CTNND2: variants seen among roughly 807,000 people sequenced by gnomAD.
CTNND2 encodes the protein catenin delta-2.
A neutral mutation model predicts 144.4 loss-of-function variants in CTNND2; 22 were observed. That is an observed-to-expected ratio of 0.15 (90% CI 0.11 to 0.22). The LOEUF is 0.22. CTNND2 is among the 10% of genes least tolerant of loss of function. The probability of loss-of-function intolerance (pLI) is 1.00; values close to 1 mark genes in which losing one functional copy is unlikely to be tolerated. For synonymous variants in CTNND2, 751 were observed against 695.6 expected, an observed-to-expected ratio of 1.08 and a Z score of -1.25; for missense variants, 1,353 against 1,618.8, an observed-to-expected ratio of 0.84 and a Z score of 2.82.
chr5:11,776,361 C>T (rs574596858), intron 1 of CTNND2, among the ~76,000 whole-genome samples: 2 of 152,142 alleles, frequency 1.3e-5, no homozygotes, highest in Non-Finnish European at 2.9e-5. Context: ...AGATACCCAA[C>T]AACAATGCAT....
intron 16 of CTNND2, among the ~76,000 whole-genome samples, chr5:11,062,611 G>A (rs1747120599): frequency 6.6e-6 from 1 of 152,192 alleles, no homozygotes; most frequent in Admixed American, 6.5e-5. Flanking sequence ...TTGACTACAT[G>A]GGAACAACGC....
At position 11,887,129 on chromosome 5, in the gene CTNND2, G is replaced by A. The variant is rs111889791; in HGVS notation, c.37+16688C>T. 7.4e-3 allele frequency among the ~76,000 whole-genome samples: 1,125 copies of A among 151,686 alleles called. 15 individuals carry two copies. The highest frequency in any genetic ancestry group is 0.026 in the African/African-American group (1,069 of 41,370). On this transcript the variant is annotated intron_variant, in intron 1 of 21. Coordinates refer to ENST00000304623, the MANE Select transcript of CTNND2 (RefSeq NM_001332.4). ...CTCCCCGGCAGCTGGGACTACAGGC[G>A]CATACCGCCACGCCCAGCTAATTTT...
intron 2 of CTNND2, among the ~76,000 whole-genome samples, chr5:11,621,136 C>T (rs1780814788): frequency 6.6e-6 from 1 of 152,074 alleles, no homozygotes; most frequent in Non-Finnish European, 1.5e-5. Flanking sequence ...AATAATTCTG[C>T]CATATTCAAA....
At chr5:11,275,398 C>A (rs1746425803) in intron 9 of CTNND2, among the ~76,000 whole-genome samples, 1 of 152,186 alleles carries the variant, frequency 6.6e-6, no homozygotes, top group African/African-American at 2.4e-5. Flanking sequence ...CTCCAACTGT[C>A]CTGATAGCAG....
chr5:11,490,696 T>C (rs566063006), intron 3 of CTNND2, among the ~76,000 whole-genome samples: 13 of 152,192 alleles, frequency 8.5e-5, no homozygotes, highest in Non-Finnish European at 1.6e-4. Context: ...GATAATTTGC[T>C]TAGATAATCT....
At chr5:11,874,267 T>C (rs563491591) in intron 1 of CTNND2, among the ~76,000 whole-genome samples, 3 of 152,220 alleles carry the variant, frequency 2.0e-5, no homozygotes, top group East Asian at 3.9e-4. Flanking sequence ...TCAAATATCA[T>C]TGAACTAGTA....
intron 9 of CTNND2, among the ~76,000 whole-genome samples, chr5:11,338,930 T>TAATGAGCTTTCATTAAACAGCCTCA (rs1170725421): frequency 2.3e-3 from 7 of 3,062 alleles, no homozygotes; most frequent in Admixed American, 2.7e-3. Context: ...CTTCATTTTT[T>TAATGAGCTTTCATTAAACAGCCTCA]TTTTTTTTTT....
At chr5:11,495,938 G>T (rs934213178) in intron 3 of CTNND2, among the ~76,000 whole-genome samples, 9 of 152,060 alleles carry the variant, frequency 5.9e-5, no homozygotes, top group African/African-American at 2.2e-4. Flanking sequence ...CCCACAAGAG[G>T]ACCTGTGTAT....
intron 1 of CTNND2, among the ~76,000 whole-genome samples, chr5:11,744,908 G>A (rs1162764227): frequency 6.6e-6 from 1 of 151,826 alleles, no homozygotes; most frequent in Non-Finnish European, 1.5e-5. Context: ...GCTAATTTTT[G>A]TGCTTTTAGT....
At chr5:11,602,650 AT>A (rs1779853759) in intron 2 of CTNND2, among the ~76,000 whole-genome samples, 3 of 146,916 alleles carry the variant, frequency 2.0e-5, no homozygotes, top group Admixed American at 6.9e-5. Context: ...TATATGTAAA[AT>A]ATATATATTA....
chr5:11,340,942 T>C (rs1270325734), intron 9 of CTNND2, among the ~76,000 whole-genome samples: 1 of 152,236 alleles, frequency 6.6e-6, no homozygotes, highest in Non-Finnish European at 1.5e-5. Flanking sequence ...TTAACTTTCA[T>C]CATCATTGTT....
intron 1 of CTNND2, among the ~76,000 whole-genome samples, chr5:11,774,564 A>AT (rs1220826400): frequency 1.3e-5 from 2 of 149,954 alleles, no homozygotes; most frequent in African/African-American, 4.9e-5. Context: ...AAAAAATTAA[A>AT]AAAAAAAACA....
At chr5:11,439,280 G>T (rs1317463333) in intron 3 of CTNND2, among the ~76,000 whole-genome samples, 1 of 152,110 alleles carries the variant, frequency 6.6e-6, no homozygotes, top group African/African-American at 2.4e-5. Flanking sequence ...TTCCTTAGGG[G>T]TAGACCTAGA....
intron 3 of CTNND2, among the ~76,000 whole-genome samples, chr5:11,444,091 C>A (rs1019811227): frequency 6.6e-6 from 1 of 152,142 alleles, no homozygotes; most frequent in Non-Finnish European, 1.5e-5. Flanking sequence ...TGGGCTACCT[C>A]GGCATTGACT....
At chr5:11,783,130 G>A (rs775485242) in intron 1 of CTNND2, among the ~76,000 whole-genome samples, 8 of 152,150 alleles carry the variant, frequency 5.3e-5, no homozygotes, top group Non-Finnish European at 1.0e-4. Context: ...GAGAGGTTGA[G>A]ATCATGTGTC....
intron 3 of CTNND2, among the ~76,000 whole-genome samples, chr5:11,533,116 G>C (rs1366553814): frequency 6.6e-6 from 1 of 152,208 alleles, no homozygotes; most frequent in Non-Finnish European, 1.5e-5. Flanking sequence ...CTCTCACTCT[G>C]GGCTAAGAGG....
intron 2 of CTNND2, among the ~76,000 whole-genome samples, chr5:11,701,117 T>C (rs1785412922): frequency 6.6e-6 from 1 of 152,260 alleles, no homozygotes. Flanking sequence ...GTCAATATTC[T>C]GAAAGGAGGC....
At chr5:11,403,974 T>C (rs564643243) in intron 5 of CTNND2, among the ~76,000 whole-genome samples, 2 of 152,302 alleles carry the variant, frequency 1.3e-5, no homozygotes, top group African/African-American at 2.4e-5. Context: ...TTCTTTATTC[T>C]AGTGGTTCTC....
intron 2 of CTNND2, among the ~76,000 whole-genome samples, chr5:11,697,614 C>A (rs758273523): frequency 6.6e-6 from 1 of 152,142 alleles, no homozygotes; most frequent in Non-Finnish European, 1.5e-5. Flanking sequence ...TGATATTATG[C>A]CCACTTTTCA....
Sources: gnomAD v4.1 joint callset for allele counts (sites outside exome capture counted in the v4.1 genomes callset) on GRCh38, gnomAD v4.1.1 for gene constraint, MANE v1.5 for transcripts, NCBI Gene and HGNC (gene_info 2026-07-23, HGNC 2026-07-21) for gene names.